Variants in CX3CR1 observed in about 807,000 individuals in gnomAD.
CX3CR1 encodes the protein C-X3-C motif chemokine receptor 1.
For missense variants in CX3CR1, 363 were observed against 432.4 expected (o/e 0.84, Z 1.42); for synonymous variants, 168 against 178.5 (o/e 0.94, Z 0.47).
rs976137666 is a variant in CX3CR1, at chr3:39,264,155, G to A, written c.*1287C>T. Reference sequence around the variant, plus strand: ...GTAGACTTGGGAGTGCTCACTGGGTGCCATCGTAAGAACCAGCCTCTTCTG... The same window carrying A: ...GTAGACTTGGGAGTGCTCACTGGGTACCATCGTAAGAACCAGCCTCTTCTG... On this transcript the variant is annotated 3_prime_UTR_variant, in exon 2 of 2. Coordinates refer to ENST00000399220, the MANE Select transcript of CX3CR1 (RefSeq NM_001337.4). 2 of 152,280 alleles carry A rather than the reference G, an allele frequency of 1.3e-5. No homozygotes were observed. The highest frequency in any genetic ancestry group is 4.8e-5 in the African/African-American group (2 of 41,458). 9.4% of individuals were successfully genotyped at this position (152,280 alleles called of 1,614,324 possible). A position where few individuals can be genotyped will look rare whatever the true frequency, so the allele number is the denominator to read the frequency against.
Position 39,264,779 on chromosome 3 carries a change from T to G in CX3CR1, c.*663A>C, listed in dbSNP as rs1431196222. ...GATGTGTGGCATTTGTTTTGTGTAA[T>G]CAGAATAGTACCCACCCATCCAACT... is the stretch of plus-strand genomic sequence containing the variant. On this transcript the variant is annotated 3_prime_UTR_variant, in exon 2 of 2. Transcript: ENST00000399220. The G allele has an allele frequency of 6.6e-6, 1 of 152,272 alleles. No homozygotes were observed. Among genetic ancestry groups the G allele is most frequent in the Admixed American group, 6.5e-5 (1 of 15,278 alleles). 9.4% of individuals were successfully genotyped at this position (152,272 alleles called of 1,614,324 possible).
At chr3:39,276,061 G>T (rs2125555064) in intron 1 of CX3CR1, among the ~76,000 whole-genome samples, 1 of 152,316 alleles carries the variant, frequency 6.6e-6, no homozygotes, top group South Asian at 2.1e-4. Flanking sequence ...GCATAGGAAG[G>T]TTTCCTGGGG....
Position 39,271,933 on chromosome 3 carries a change from C to T in CX3CR1, c.-9-5415G>A, listed in dbSNP as rs141080503. 1.3e-3 allele frequency among the ~76,000 whole-genome samples: 193 copies of T among 152,294 alleles called. 1 individual carries two copies. The highest frequency in any genetic ancestry group is 4.4e-3 in the African/African-American group (183 of 41,576). On this transcript the variant is annotated intron_variant, in intron 1 of 1. Coordinates refer to ENST00000399220, the MANE Select transcript of CX3CR1 (RefSeq NM_001337.4). ...AGATAGGGCCTCCTGGCAGCAGATG[C>T]GAGTGTGGCCGTGCCTTGGGGGTGG... is the stretch of plus-strand genomic sequence containing the variant.
intron 1 of CX3CR1, among the ~76,000 whole-genome samples, chr3:39,279,233 G>A (rs182003614): frequency 9.9e-5 from 15 of 151,694 alleles, no homozygotes; most frequent in African/African-American, 3.1e-4. Flanking sequence ...GGTACAAAAA[G>A]TGGAAGAAAA....
upstream of CX3CR1, chr3:39,280,241 C>A: frequency 1.0e-6 from 1 of 985,662 alleles, no homozygotes; most frequent in Non-Finnish European, 1.2e-6. Context: ...GAGAGAGGTG[C>A]CACTTACCCC....
At chr3:39,285,537 A>C (rs1251289159), upstream of CX3CR1, among the ~76,000 whole-genome samples, 1 of 152,214 alleles carries the variant, frequency 6.6e-6, no homozygotes, top group Non-Finnish European at 1.5e-5. Flanking sequence ...GATTAAAAGC[A>C]CTTCCCCTTT....
At chr3:39,283,641 G>A (rs1023872087), upstream of CX3CR1, among the ~76,000 whole-genome samples, 3 of 151,014 alleles carry the variant, frequency 2.0e-5, no homozygotes, top group South Asian at 2.1e-4. Flanking sequence ...TTAGCCAGGC[G>A]TGGTGGCGGG....
At chr3:39,288,811 A>G in the CX3CR1 span, among the ~76,000 whole-genome samples, 5 of 152,018 alleles carry the variant, frequency 3.3e-5, no homozygotes, top group Non-Finnish European at 7.4e-5. Flanking sequence ...TGACCCTGCT[A>G]CTCTCAAGCT....
chr3:39,287,788 G>A, the CX3CR1 span: 1 of 152,152 alleles, frequency 6.6e-6, no homozygotes, highest in African/African-American at 2.4e-5. Flanking sequence ...TTTCCTTGAA[G>A]CCAGTACATA....
At chr3:39,267,089 T>C (rs2125550381) in intron 1 of CX3CR1, among the ~76,000 whole-genome samples, 1 of 152,294 alleles carries the variant, frequency 6.6e-6, no homozygotes, top group South Asian at 2.1e-4. Context: ...CAGCCAGCTC[T>C]AGGCTTTTTG....
chr3:39,281,473 C>G (rs36230460), upstream of CX3CR1: 2,455 of 836,160 alleles, frequency 2.9e-3, 34 homozygotes, highest in African/African-American at 0.034. Context: ...ACACTCTTGA[C>G]GACAGTCTCA....
chr3:39,286,657 C>CAG (rs2040945739), upstream of CX3CR1: 2 of 81,634 alleles, frequency 2.4e-5, no homozygotes, highest in Admixed American at 1.5e-4. Flanking sequence ...GACTCCGTCT[C>CAG]AAAAAAAAAA....
At chr3:39,283,522 C>T (rs1178366868), upstream of CX3CR1, among the ~76,000 whole-genome samples, 1 of 151,910 alleles carries the variant, frequency 6.6e-6, no homozygotes, top group Non-Finnish European at 1.5e-5. Flanking sequence ...TGGCTCACGC[C>T]TGTAATTCCA....
intron 1 of CX3CR1, among the ~76,000 whole-genome samples, chr3:39,275,392 G>A (rs1331456485): frequency 6.6e-6 from 1 of 152,164 alleles, no homozygotes; most frequent in Non-Finnish European, 1.5e-5. Context: ...ATTACCCCTT[G>A]TCTTAAAGAT....
chr3:39,291,338 T>C, the CX3CR1 span, among the ~76,000 whole-genome samples: 5 of 152,216 alleles, frequency 3.3e-5, no homozygotes, highest in South Asian at 1.0e-3. Context: ...ATTACAGGTG[T>C]AAGCCACTGC....
At chr3:39,266,693 A>C in intron 1 of CX3CR1, 175 bp from the exon 2 acceptor site, 1 of 778,004 alleles carries the variant, frequency 1.3e-6, no homozygotes, top group Non-Finnish European at 2.3e-6. Flanking sequence ...TCTTGTGATG[A>C]AGACTGCAAC....
the CX3CR1 span, among the ~76,000 whole-genome samples, chr3:39,290,862 A>G: frequency 1.8e-4 from 27 of 151,748 alleles, no homozygotes; most frequent in East Asian, 4.8e-3. Flanking sequence ...CGGAGGTTGC[A>G]GTGAGCTGAG....
At chr3:39,268,073 C>T (rs2040727193) in intron 1 of CX3CR1, among the ~76,000 whole-genome samples, 1 of 152,192 alleles carries the variant, frequency 6.6e-6, no homozygotes. Flanking sequence ...CCCACTACAC[C>T]CTTTCCATGA....
upstream of CX3CR1, chr3:39,285,898 A>T (rs2040939188): frequency 6.6e-6 from 1 of 152,220 alleles, no homozygotes; most frequent in Non-Finnish European, 1.5e-5. Flanking sequence ...AGTCTGCTTT[A>T]AAAAATAAGG....
Sources: gnomAD v4.1 joint callset for allele counts (sites outside exome capture counted in the v4.1 genomes callset) on GRCh38, gnomAD v4.1.1 for gene constraint, MANE v1.5 for transcripts, NCBI Gene and HGNC (gene_info 2026-07-23, HGNC 2026-07-21) for gene names.